The following AGBL1 variants were observed in gnomAD, a reference collection of about 807,000 sequenced individuals.
AGBL1 encodes the protein cytosolic carboxypeptidase 4.
A neutral mutation model predicts 118.9 loss-of-function variants in AGBL1; 130 were observed. The ratio of observed to expected loss-of-function variants is 1.09; its 90% CI spans 0.95 to 1.26. AGBL1 has a LOEUF of 1.26. Ranked by LOEUF, AGBL1 falls within the 50% of genes most tolerant of loss-of-function variation. The pLI, the probability that AGBL1 is intolerant of heterozygous loss-of-function variation, is 0.00. For missense variants in AGBL1, 1,584 were observed against 1,298.1 expected, an observed-to-expected ratio of 1.22 and a Z score of -3.38; for synonymous variants, 555 against 478.9, an observed-to-expected ratio of 1.16 and a Z score of -2.08.
At chr15:86,211,996 A>G (rs2078106699) in intron 5 of AGBL1, among the ~76,000 whole-genome samples, 1 of 152,086 alleles carries the variant, frequency 6.6e-6, no homozygotes, top group South Asian at 2.1e-4. Context: ...GAGTTTTAAG[A>G]GTTGTCTCCT....
intron 23 of AGBL1, among the ~76,000 whole-genome samples, chr15:86,930,434 C>G (rs1314311317): frequency 6.6e-6 from 1 of 152,074 alleles, no homozygotes; most frequent in Non-Finnish European, 1.5e-5. Flanking sequence ...GAGGTCCATT[C>G]TGTTGGGGGC....
At chr15:86,687,249 T>G (rs1303228423) in intron 22 of AGBL1, among the ~76,000 whole-genome samples, 1 of 152,234 alleles carries the variant, frequency 6.6e-6, no homozygotes, top group Non-Finnish European at 1.5e-5. Flanking sequence ...CCTCAAGAAC[T>G]TCTAAGACAC....
At chr15:86,329,786 A>T (rs2080242450) in intron 17 of AGBL1, among the ~76,000 whole-genome samples, 1 of 152,168 alleles carries the variant, frequency 6.6e-6, no homozygotes, top group Non-Finnish European at 1.5e-5. Context: ...GCCCAGGCAG[A>T]TCTCTAGGCA....
intron 16 of AGBL1, among the ~76,000 whole-genome samples, chr15:86,293,794 T>TA (rs2079587548): frequency 2.0e-5 from 3 of 152,342 alleles, no homozygotes; most frequent in South Asian, 4.1e-4. Context: ...TTCATTTTAT[T>TA]AAAAAATTCA....
At chr15:86,767,054 T>C (rs897346782) in intron 22 of AGBL1, among the ~76,000 whole-genome samples, 3 of 152,046 alleles carry the variant, frequency 2.0e-5, no homozygotes, top group Non-Finnish European at 4.4e-5. Context: ...TAAGAATTAA[T>C]GATGAGGTAT....
chr15:86,213,713 T>A (rs900409530), intron 5 of AGBL1, among the ~76,000 whole-genome samples: 1 of 152,212 alleles, frequency 6.6e-6, no homozygotes, highest in African/African-American at 2.4e-5. Flanking sequence ...GACTAGTTAG[T>A]CATCAAATAC....
intron 5 of AGBL1, among the ~76,000 whole-genome samples, chr15:86,162,226 T>C (rs2077276539): frequency 2.0e-5 from 3 of 152,128 alleles, no homozygotes; most frequent in Admixed American, 2.0e-4. Flanking sequence ...TCAGGGGGCA[T>C]GGATAGCTCT....
At chr15:86,552,969 AAC>A (rs982936768) in intron 20 of AGBL1, among the ~76,000 whole-genome samples, 2 of 152,124 alleles carry the variant, frequency 1.3e-5, no homozygotes, top group African/African-American at 2.4e-5. Flanking sequence ...AATTATAATT[AAC>A]AGTTACATTT....
chr15:86,473,506 A>G (rs1245623880), intron 18 of AGBL1, among the ~76,000 whole-genome samples: 1 of 152,124 alleles, frequency 6.6e-6, no homozygotes. Flanking sequence ...TAGGGTATAA[A>G]GTTTCATCAT....
chr15:86,139,404 A>G (rs1475250324), intron 1 of AGBL1, among the ~76,000 whole-genome samples: 1 of 152,196 alleles, frequency 6.6e-6, no homozygotes, highest in Non-Finnish European at 1.5e-5. Context: ...TCTTGAGAAA[A>G]GGAGGAGTTC....
intron 18 of AGBL1, among the ~76,000 whole-genome samples, chr15:86,418,635 A>T (rs560839990): frequency 1.3e-5 from 2 of 152,080 alleles, no homozygotes; most frequent in African/African-American, 4.8e-5. Context: ...AGTCTTGATA[A>T]TTTCCCATAG....
At chr15:86,199,207 A>C (rs1036135436) in intron 5 of AGBL1, among the ~76,000 whole-genome samples, 1 of 152,104 alleles carries the variant, frequency 6.6e-6, no homozygotes, top group African/African-American at 2.4e-5. Context: ...TATAAAGGTT[A>C]TATAGATAGA....
At chr15:86,144,912 A>G (rs1325879901) in intron 3 of AGBL1, among the ~76,000 whole-genome samples, 4 of 152,186 alleles carry the variant, frequency 2.6e-5, no homozygotes, top group African/African-American at 9.7e-5. Flanking sequence ...GTAACAGAAG[A>G]CTGTTAGGAG....
intron 24 of AGBL1, among the ~76,000 whole-genome samples, chr15:87,008,713 C>T (rs1387352211): frequency 6.6e-6 from 1 of 152,112 alleles, no homozygotes; most frequent in East Asian, 1.9e-4. Context: ...ATGATATGGA[C>T]AATGAAATCC....
intron 17 of AGBL1, among the ~76,000 whole-genome samples, chr15:86,366,300 G>T (rs2080886680): frequency 6.6e-6 from 1 of 152,186 alleles, no homozygotes; most frequent in South Asian, 2.1e-4. Context: ...GAGGAACAAA[G>T]TAGTACTTAT....
chr15:86,822,045 A>G (rs115068916), intron 22 of AGBL1, among the ~76,000 whole-genome samples: 77 of 152,328 alleles, frequency 5.1e-4, no homozygotes, highest in African/African-American at 1.6e-3. Context: ...ATGTGTGCAC[A>G]GTACCTGTTC....
intron 18 of AGBL1, among the ~76,000 whole-genome samples, chr15:86,410,063 A>G (rs1049508114): frequency 1.3e-5 from 2 of 152,290 alleles, no homozygotes; most frequent in East Asian, 1.9e-4. Flanking sequence ...TAATATAGAT[A>G]AGTTATTTCT....
At chr15:86,090,122 A>G (rs1043119398) in intron 1 of AGBL1, among the ~76,000 whole-genome samples, 13 of 152,188 alleles carry the variant, frequency 8.5e-5, no homozygotes, top group East Asian at 3.8e-4. Flanking sequence ...TCCCCATTTT[A>G]TAGATAAAGA....
At position 86,414,139 on chromosome 15, in the gene AGBL1, T is replaced by A. The variant is rs146557625; in HGVS notation, c.2555+16593T>A. On this transcript the variant is annotated intron_variant, in intron 18 of 22. Transcript: ENST00000614907. ...GCTAAATAATGTATACACATGAACA[T>A]AGAGTATGGAATGAAAGACACTGGA... Among the ~76,000 whole-genome samples the A allele has an allele frequency of 3.2e-3, 481 of 152,100 alleles. 1 individual carries two copies. The highest frequency in any genetic ancestry group is 0.011 in the African/African-American group (454 of 41,500).
Sources: gnomAD v4.1 joint callset for allele counts (sites outside exome capture counted in the v4.1 genomes callset) on GRCh38, gnomAD v4.1.1 for gene constraint, MANE v1.5 for transcripts, NCBI Gene and HGNC (gene_info 2026-07-23, HGNC 2026-07-21) for gene names.